Variants in ANTXR1 observed in about 807,000 individuals in gnomAD.
The protein encoded by ANTXR1 is ANTXR cell adhesion molecule 1, also known as anthrax toxin receptor 1.
In ANTXR1, 19 loss-of-function variants were observed where a neutral mutation model predicts 78.1. The observed-to-expected ratio is 0.24, with a 90% CI of 0.17 to 0.36. ANTXR1 has a LOEUF of 0.36. Among genes scored for constraint, ANTXR1 ranks in the 10% least tolerant of loss-of-function variants. ANTXR1 has a pLI of 1.00. For synonymous variants in ANTXR1, 273 were observed against 260.5 expected, an observed-to-expected ratio of 1.05 and a Z score of -0.46; for missense variants, 518 against 718.6, an observed-to-expected ratio of 0.72 and a Z score of 3.19.
At position 69,186,303 on chromosome 2, in the gene ANTXR1, G is replaced by A. The variant is rs543375817; in HGVS notation, c.1353+3643G>A. ...TCAAAAGTAATCATGTGTGCTCTCC[G>A]TCCAGAAGTAAGGCAGGCTTGCTTC... On this transcript the variant is annotated intron_variant, in intron 16 of 17. Coordinates refer to ENST00000303714, the MANE Select transcript of ANTXR1 (RefSeq NM_032208.3). 6.8e-4 allele frequency among the ~76,000 whole-genome samples: 104 copies of A among 152,328 alleles called. 1 individual carries two copies. Among genetic ancestry groups the A allele is most frequent in the African/African-American group, 2.3e-3 (97 of 41,568 alleles).
intron 14 of ANTXR1, among the ~76,000 whole-genome samples, chr2:69,176,542 T>C (rs1426632532): frequency 1.3e-5 from 2 of 152,212 alleles, no homozygotes; most frequent in African/African-American, 4.8e-5. Flanking sequence ...GCCTTAGTCC[T>C]TTAATTCATG....
intron 17 of ANTXR1, among the ~76,000 whole-genome samples, chr2:69,218,332 T>G (rs891261239): frequency 6.6e-6 from 1 of 152,152 alleles, no homozygotes; most frequent in Non-Finnish European, 1.5e-5. Flanking sequence ...CAGCTGAGAA[T>G]TTTAAGTTTT....
chr2:69,096,282 A>AAGGAAGGAAGGAAGGG (rs1553362854), intron 9 of ANTXR1, among the ~76,000 whole-genome samples: 20 of 34,594 alleles, frequency 5.8e-4, no homozygotes, highest in African/African-American at 1.1e-3. Context: ...GGAAGGAAGG[A>AAGGAAGGAAGGAAGGG]AGGAAGGGAG....
intron 3 of ANTXR1, among the ~76,000 whole-genome samples, chr2:69,069,430 T>C (rs1011372882): frequency 3.3e-5 from 5 of 152,152 alleles, no homozygotes; most frequent in African/African-American, 4.8e-5. Flanking sequence ...AGTGGATCGA[T>C]TGTATTTCAT....
chr2:69,108,158 A>T lies in ANTXR1; in HGVS notation c.802+5218A>T, dbSNP rs150620215. On this transcript the variant is annotated intron_variant, in intron 10 of 17. Coordinates refer to ENST00000303714, the MANE Select transcript of ANTXR1 (RefSeq NM_032208.3). ...TTTCATTTAATTTTTATTAACTTAA[A>T]TGTAAATAGCCACAATGGCTAGTGA... Among the ~76,000 whole-genome samples the T allele has an allele frequency of 4.1e-3, 632 of 152,352 alleles. 2 individuals are homozygous for T. Among genetic ancestry groups the T allele is most frequent in the African/African-American group, 0.015 (613 of 41,584 alleles).
intron 10 of ANTXR1, among the ~76,000 whole-genome samples, chr2:69,122,525 G>T (rs1342697734): frequency 6.6e-6 from 1 of 152,218 alleles, no homozygotes; most frequent in African/African-American, 2.4e-5. Context: ...AGGAAGCTAT[G>T]ATTCAGGCAG....
chr2:69,048,965 G>A (rs1330002810), intron 3 of ANTXR1, among the ~76,000 whole-genome samples: 7 of 152,040 alleles, frequency 4.6e-5, no homozygotes, highest in Admixed American at 2.0e-4. Context: ...TCTCGTTTAC[G>A]TCCCTCAGTA....
chr2:69,133,153 A>G (rs368353808), intron 12 of ANTXR1, among the ~76,000 whole-genome samples: 31 of 152,342 alleles, frequency 2.0e-4, no homozygotes, highest in African/African-American at 5.5e-4. Flanking sequence ...AAATTCAGGT[A>G]TAACAAGTAG....
chr2:69,074,437 A>T (rs1487665031), intron 6 of ANTXR1, among the ~76,000 whole-genome samples: 1 of 152,194 alleles, frequency 6.6e-6, no homozygotes, highest in Non-Finnish European at 1.5e-5. Flanking sequence ...AGTGGGAAGG[A>T]ATTTTAGGTA....
chr2:69,185,782 G>A (rs537831115), intron 16 of ANTXR1, among the ~76,000 whole-genome samples: 5 of 152,140 alleles, frequency 3.3e-5, no homozygotes, highest in Admixed American at 6.5e-5. Flanking sequence ...AAGTGGTTGG[G>A]AATCTGAGTG....
chr2:69,196,427 A>G (rs1674669396), intron 17 of ANTXR1, among the ~76,000 whole-genome samples: 1 of 152,256 alleles, frequency 6.6e-6, no homozygotes, highest in African/African-American at 2.4e-5. Flanking sequence ...CACACGATGT[A>G]CACATGGAGT....
chr2:69,201,364 G>T, intron 17 of ANTXR1, among the ~76,000 whole-genome samples: 1 of 152,332 alleles, frequency 6.6e-6, no homozygotes, highest in Non-Finnish European at 1.5e-5. Flanking sequence ...GACACAAGGA[G>T]CAGGGTACAG....
intron 12 of ANTXR1, among the ~76,000 whole-genome samples, chr2:69,144,933 G>T (rs1382216300): frequency 1.3e-5 from 2 of 152,186 alleles, no homozygotes; most frequent in African/African-American, 4.8e-5. Flanking sequence ...CTATCCTGGG[G>T]TTAGTTAAAA....
chr2:69,021,806 G>A (rs936567019), intron 1 of ANTXR1, among the ~76,000 whole-genome samples: 1 of 152,204 alleles, frequency 6.6e-6, no homozygotes, highest in African/African-American at 2.4e-5. Flanking sequence ...CATTGAGAGA[G>A]AATAAAGAGA....
At chr2:69,219,837 C>T (rs1675276244) in intron 17 of ANTXR1, among the ~76,000 whole-genome samples, 1 of 152,120 alleles carries the variant, frequency 6.6e-6, no homozygotes, top group Non-Finnish European at 1.5e-5. Context: ...CTGAAGTGCC[C>T]ACAGACTCCT....
At chr2:69,245,040 C>A (rs529880282) in intron 17 of ANTXR1, among the ~76,000 whole-genome samples, 185 bp from the exon 18 acceptor site, 23 of 152,132 alleles carry the variant, frequency 1.5e-4, no homozygotes, top group African/African-American at 5.5e-4. Flanking sequence ...AACAGTTTTG[C>A]AACACAGTCC....
At chr2:69,121,022 C>T (rs1447859990) in intron 10 of ANTXR1, among the ~76,000 whole-genome samples, 2 of 152,154 alleles carry the variant, frequency 1.3e-5, no homozygotes, top group Non-Finnish European at 2.9e-5. Flanking sequence ...TTTGCAGTGC[C>T]TCCCCCTCTC....
chr2:69,216,757 A>G (rs1043666088), intron 17 of ANTXR1, among the ~76,000 whole-genome samples: 2 of 152,236 alleles, frequency 1.3e-5, no homozygotes, highest in African/African-American at 4.8e-5. Flanking sequence ...TTTGCAAATC[A>G]AAGAAAGAGC....
At chr2:69,096,257 A>AAAGGAAGG (rs201497715) in intron 9 of ANTXR1, among the ~76,000 whole-genome samples, 975 of 50,224 alleles carry the variant, frequency 0.019, 148 homozygotes, top group Middle Eastern at 0.067. Context: ...GACTCCGTCA[A>AAAGGAAGG]AAGGAAGGAA....
Sources: gnomAD v4.1 joint callset for allele counts (sites outside exome capture counted in the v4.1 genomes callset) on GRCh38, gnomAD v4.1.1 for gene constraint, MANE v1.5 for transcripts, NCBI Gene and HGNC (gene_info 2026-07-23, HGNC 2026-07-21) for gene names.